The following RNF152 variants were observed in gnomAD, a reference collection of about 807,000 sequenced individuals.
The protein encoded by RNF152 is E3 ubiquitin-protein ligase RNF152.
RNF152 carries 11 observed loss-of-function variants against 12.7 expected under a neutral mutation model. The ratio of observed to expected loss-of-function variants is 0.86; its 90% CI spans 0.54 to 1.43. RNF152 has a LOEUF of 1.43. Ranked by LOEUF, RNF152 falls within the 40% of genes most tolerant of loss-of-function variation. The pLI is 0.00. For synonymous variants in RNF152, 113 were observed against 120.3 expected (o/e 0.94, Z 0.40); for missense variants, 255 against 274.8 (o/e 0.93, Z 0.51).
chr18:61,821,359 G>T (rs189208558), intron 1 of RNF152, among the ~76,000 whole-genome samples: 12 of 152,242 alleles, frequency 7.9e-5, no homozygotes, highest in Non-Finnish European at 1.6e-4. Context: ...GCACTGATTT[G>T]TTCTACATGA....
intron 1 of RNF152, among the ~76,000 whole-genome samples, chr18:61,828,473 G>A (rs757464952): frequency 2.0e-5 from 3 of 152,110 alleles, no homozygotes; most frequent in Non-Finnish European, 4.4e-5. Flanking sequence ...TGCCCAGGCT[G>A]AAGTGCAGTG....
Position 61,808,597 on chromosome 18 carries a change from G to A in RNF152, c.*7255C>T, listed in dbSNP as rs1291281835. 1 of 152,046 alleles carries A rather than the reference G, an allele frequency of 6.6e-6. No individual in the cohort carries two copies. Among genetic ancestry groups the A allele is most frequent in the Admixed American group, 6.6e-5 (1 of 15,256 alleles). The allele number at this position is 152,046 out of a possible 1,614,324, so 9.4% of individuals were successfully genotyped here. On this transcript the variant is annotated 3_prime_UTR_variant, in exon 2 of 2. Coordinates refer to ENST00000312828, the MANE Select transcript of RNF152 (RefSeq NM_173557.3). ...GATTGCAGCTACATGGCTTATGTAG[G>A]GAGTTTGTAACAGCCCCAAGCTGAA...
At chr18:61,829,248 C>T (rs1909818259) in intron 1 of RNF152, among the ~76,000 whole-genome samples, 1 of 152,142 alleles carries the variant, frequency 6.6e-6, no homozygotes, top group African/African-American at 2.4e-5. Flanking sequence ...CAGGGCACAG[C>T]CTGGACGACT....
At chr18:61,831,536 C>T (rs1023147250) in intron 1 of RNF152, among the ~76,000 whole-genome samples, 2 of 152,048 alleles carry the variant, frequency 1.3e-5, no homozygotes, top group South Asian at 4.1e-4. Context: ...TTCTAAGGAG[C>T]CAGGAACTGA....
chr18:61,891,949 C>T (rs1021313156), intron 1 of RNF152, among the ~76,000 whole-genome samples: 17 of 152,178 alleles, frequency 1.1e-4, no homozygotes, highest in Admixed American at 3.9e-4. Context: ...TTCCCTGCTA[C>T]TAGTGTAGGA....
chr18:61,888,010 T>G (rs1373354582), intron 1 of RNF152: 1 of 152,254 alleles, frequency 6.6e-6, no homozygotes, highest in Non-Finnish European at 1.5e-5. Context: ...CTCCTTTGCA[T>G]GAAAGGCAGG....
Position 61,819,320 on chromosome 18 carries a change from G to A in RNF152, c.-135-2722C>T, listed in dbSNP as rs146987713. ...AGGCACAGGCCAGAGACTGTGGACC[G>A]TGGGCAGCCCCCAGTGCCAGGCCAA... On this transcript the variant is annotated intron_variant, in intron 1 of 1. Transcript: ENST00000312828. Among the ~76,000 whole-genome samples, 121 of 152,328 alleles carry A rather than the reference G, an allele frequency of 7.9e-4. No homozygotes were observed. The East Asian group carries it at 0.017, about 22-fold the overall frequency.
intron 1 of RNF152, among the ~76,000 whole-genome samples, chr18:61,862,037 A>C (rs1301850593): frequency 6.6e-6 from 1 of 152,178 alleles, no homozygotes; most frequent in Non-Finnish European, 1.5e-5. Flanking sequence ...CAACTCCCTG[A>C]GGCCCTCAGA....
chr18:61,866,490 GC>G (rs1205433469), intron 1 of RNF152, among the ~76,000 whole-genome samples: 1 of 152,128 alleles, frequency 6.6e-6, no homozygotes, highest in Non-Finnish European at 1.5e-5. Context: ...ACCTGATCAT[GC>G]CATCCCATGG....
chr18:61,827,372 C>T (rs1402944560), intron 1 of RNF152, among the ~76,000 whole-genome samples: 2 of 152,128 alleles, frequency 1.3e-5, no homozygotes, highest in African/African-American at 4.8e-5. Flanking sequence ...AGTAGAACTT[C>T]ATTAATTTGA....
intron 1 of RNF152, among the ~76,000 whole-genome samples, chr18:61,883,299 TAAG>T (rs1238356240): frequency 6.6e-6 from 1 of 152,230 alleles, no homozygotes; most frequent in African/African-American, 2.4e-5. Context: ...TACCCCTTTT[TAAG>T]AAGAATTTCT....
intron 1 of RNF152, among the ~76,000 whole-genome samples, chr18:61,823,853 GC>G (rs1335120640): frequency 6.6e-6 from 1 of 152,250 alleles, no homozygotes; most frequent in Non-Finnish European, 1.5e-5. Context: ...CCTGGCTGCA[GC>G]CTAGGTGCTG....
At chr18:61,887,404 A>G (rs1344564987) in intron 1 of RNF152, among the ~76,000 whole-genome samples, 3 of 108,262 alleles carry the variant, frequency 2.8e-5, no homozygotes, top group Non-Finnish European at 5.8e-5. Flanking sequence ...TCTGTCAAGG[A>G]GCAGAAACAG....
intron 1 of RNF152, among the ~76,000 whole-genome samples, chr18:61,871,916 T>C (rs1477339386): frequency 6.6e-6 from 1 of 152,158 alleles, no homozygotes; most frequent in Non-Finnish European, 1.5e-5. Context: ...CAAGAAAGGA[T>C]CCTATATTAA....
At position 61,844,072 on chromosome 18, in the gene RNF152, A is replaced by AG. The variant is rs1302296177; in HGVS notation, c.-135-27475dup. Among the ~76,000 whole-genome samples, 94 of 138,096 alleles carry AG rather than the reference A, an allele frequency of 6.8e-4. 1 individual carries two copies. The highest frequency in any genetic ancestry group is 3.5e-3 in the Middle Eastern group (1 of 282). 90.6% of individuals were successfully genotyped at this position (138,096 alleles called of 152,430 possible). ...AAAAAAGAAAGAGAGAAAGACAGAA[A>AG]GAAAGGAAAGAAAGAAAGAAAGAAA... On this transcript the variant is annotated intron_variant, in intron 1 of 1. Transcript: ENST00000312828.
At chr18:61,833,408 C>A (rs4941068) in intron 1 of RNF152, among the ~76,000 whole-genome samples, 69,436 of 151,942 alleles carry the variant, frequency 0.46, 16,361 homozygotes, top group Non-Finnish European at 0.53. Context: ...ATCCAAATTT[C>A]AGGTGATTCA....
intron 1 of RNF152, among the ~76,000 whole-genome samples, chr18:61,819,593 T>G (rs1568262068): frequency 6.6e-6 from 1 of 152,090 alleles, no homozygotes; most frequent in African/African-American, 2.4e-5. Flanking sequence ...AAGCCAAAAA[T>G]GAAGCCTTTA....
Position 61,855,807 on chromosome 18 carries a change from C to T in RNF152, c.-136+36988G>A, listed in dbSNP as rs568640774. ...GTGGACAGAATGAGCCCAGCAGGTA[C>T]GAGCAATACCCAGGCAGAAGGTGCC... On this transcript the variant is annotated intron_variant, in intron 1 of 1. Coordinates refer to ENST00000312828, the MANE Select transcript of RNF152 (RefSeq NM_173557.3). Among the ~76,000 whole-genome samples the T allele has an allele frequency of 1.2e-4, 18 of 152,288 alleles. No homozygotes were observed. In the South Asian group the frequency reaches 1.4e-3, roughly 12 times the overall value.
Position 61,816,570 on chromosome 18 carries a change from G to A in RNF152, c.-107C>T. On this transcript the variant is annotated 5_prime_UTR_variant, in exon 2 of 2. Coordinates refer to ENST00000312828, the MANE Select transcript of RNF152 (RefSeq NM_173557.3). Reference sequence around the variant, plus strand: ...AGTGCAGGTAATGGCAAGCTCACAGGCATCCAGTACTCACAGGTGTGTTCA... The same window carrying A: ...AGTGCAGGTAATGGCAAGCTCACAGACATCCAGTACTCACAGGTGTGTTCA... 1.7e-6 allele frequency: 2 copies of A among 1,184,702 alleles called. No individual in the cohort carries two copies. The highest frequency in any genetic ancestry group is 4.7e-5 in the East Asian group (2 of 42,356). The allele number at this position is 1,184,702 out of a possible 1,614,324, so 73.4% of individuals were successfully genotyped here.
Sources: gnomAD v4.1 joint callset for allele counts (sites outside exome capture counted in the v4.1 genomes callset) on GRCh38, gnomAD v4.1.1 for gene constraint, MANE v1.5 for transcripts, NCBI Gene and HGNC (gene_info 2026-07-23, HGNC 2026-07-21) for gene names.